SETBP1: variants seen among roughly 807,000 people sequenced by gnomAD.
SETBP1 encodes SET-binding protein.
In SETBP1, 9 loss-of-function variants were observed where a neutral mutation model predicts 101.0. The ratio of observed to expected loss-of-function variants is 0.09; its 90% CI spans 0.05 to 0.16. The LOEUF (loss-of-function observed/expected upper bound fraction) is 0.16, where lower values mean the gene tolerates loss of function less well. SETBP1 is among the 10% of genes least tolerant of loss of function. The pLI is 1.00. For synonymous variants in SETBP1, 818 were observed against 788.5 expected, an observed-to-expected ratio of 1.04 and a Z score of -0.63; for missense variants, 1,858 against 2,033.8, an observed-to-expected ratio of 0.91 and a Z score of 1.66.
intron 2 of SETBP1, among the ~76,000 whole-genome samples, chr18:44,804,372 T>G (rs2071681638): frequency 6.6e-6 from 1 of 152,156 alleles, no homozygotes; most frequent in South Asian, 2.1e-4. Context: ...CATGTGAACC[T>G]CATTTCAAGC....
At chr18:44,929,494 G>A (rs76699239) in intron 3 of SETBP1, among the ~76,000 whole-genome samples, 16,011 of 152,124 alleles carry the variant, frequency 0.11, 835 homozygotes, top group East Asian at 0.14. Context: ...AGCTTGATGA[G>A]GATGGCATTG....
At chr18:44,719,103 A>C (rs754876837) in intron 2 of SETBP1, among the ~76,000 whole-genome samples, 1 of 152,182 alleles carries the variant, frequency 6.6e-6, no homozygotes, top group Non-Finnish European at 1.5e-5. Flanking sequence ...GCATAGGAAG[A>C]GGAAGGTAGA....
rs111680742 is a variant in SETBP1 at position 44,925,008 on chromosome 18, T to TTTTG, written c.541-24870_541-24869insGTTT. ...TTTTTCCTTCTTGATCCTGTGTGAG[T>TTTTG]TTTTTTTTTTTTTTTTTTTTTTTTT... is the stretch of plus-strand genomic sequence containing the variant. On this transcript the variant is annotated intron_variant, in intron 3 of 5. Transcript: ENST00000649279. Among the ~76,000 whole-genome samples the TTTTG allele has an allele frequency of 1.6e-3, 47 of 28,592 alleles. 4 individuals are homozygous for TTTTG. Among genetic ancestry groups the TTTTG allele is most frequent in the African/African-American group, 4.1e-3 (43 of 10,554 alleles). The allele number at this position is 28,592 out of a possible 152,430, so 18.8% of individuals were successfully genotyped here. A position where few individuals can be genotyped will look rare whatever the true frequency, so the allele number is the denominator to read the frequency against.
intron 2 of SETBP1, among the ~76,000 whole-genome samples, chr18:44,713,450 C>T (rs902502700): frequency 6.6e-6 from 1 of 152,110 alleles, no homozygotes; most frequent in African/African-American, 2.4e-5. Context: ...GAAAGTGTTC[C>T]TTGTATTCCA....
chr18:44,898,863 A>G (rs772391806), intron 3 of SETBP1, among the ~76,000 whole-genome samples: 12 of 152,342 alleles, frequency 7.9e-5, no homozygotes, highest in Admixed American at 1.3e-4. Flanking sequence ...TGCTCAGAGA[A>G]TATAGTGATC....
intron 2 of SETBP1, among the ~76,000 whole-genome samples, chr18:44,769,633 GAGAGT>G (rs1370884388): frequency 6.6e-6 from 1 of 152,174 alleles, no homozygotes. Flanking sequence ...GTTGAGAATG[GAGAGT>G]AGAGAATTCA....
intron 4 of SETBP1, among the ~76,000 whole-genome samples, chr18:44,970,585 C>T (rs761295626): frequency 6.6e-6 from 1 of 151,704 alleles, no homozygotes; most frequent in African/African-American, 2.4e-5. Context: ...GAGTGTTGCT[C>T]TTGTTCCCCA....
intron 2 of SETBP1, among the ~76,000 whole-genome samples, chr18:44,847,299 C>T (rs1401752319): frequency 6.6e-6 from 1 of 152,230 alleles, no homozygotes; most frequent in African/African-American, 2.4e-5. Context: ...CAGGTCATGC[C>T]TGTCTGCCTA....
intron 2 of SETBP1, among the ~76,000 whole-genome samples, chr18:44,732,195 T>A (rs1369550251): frequency 1.3e-5 from 2 of 152,240 alleles, no homozygotes; most frequent in Admixed American, 6.5e-5. Context: ...GACGATCACA[T>A]ACCCTCGTTA....
At chr18:45,058,221 T>C (rs1461458019) in intron 5 of SETBP1, among the ~76,000 whole-genome samples, 1 of 152,156 alleles carries the variant, frequency 6.6e-6, no homozygotes, top group South Asian at 2.1e-4. Context: ...AAATATGGAA[T>C]CAATCTTGCA....
chr18:44,943,315 G>T (rs1199615653), intron 3 of SETBP1, among the ~76,000 whole-genome samples: 1 of 152,208 alleles, frequency 6.6e-6, no homozygotes, highest in African/African-American at 2.4e-5. Flanking sequence ...GGGTTAAAAG[G>T]AAGGTCTGAA....
At chr18:44,938,713 T>A (rs1193114859) in intron 3 of SETBP1, among the ~76,000 whole-genome samples, 6 of 152,194 alleles carry the variant, frequency 3.9e-5, no homozygotes, top group Non-Finnish European at 5.9e-5. Context: ...TTCTCCCTGG[T>A]GGCCCAGGTT....
At chr18:44,898,270 T>C (rs1271417027) in intron 3 of SETBP1, among the ~76,000 whole-genome samples, 2 of 152,168 alleles carry the variant, frequency 1.3e-5, no homozygotes, top group Non-Finnish European at 2.9e-5. Flanking sequence ...CACCAATGGG[T>C]TTCCTGGAAG....
intron 2 of SETBP1, among the ~76,000 whole-genome samples, chr18:44,811,408 A>G (rs1283395311): frequency 1.3e-4 from 20 of 152,230 alleles, no homozygotes; most frequent in Non-Finnish European, 2.9e-5. Context: ...ACTGCTCCAC[A>G]TGCTTTGCCA....
At position 45,001,816 on chromosome 18, in the gene SETBP1, C is replaced by A. The variant is rs180834850; in HGVS notation, c.4001-36669C>A. On this transcript the variant is annotated intron_variant, in intron 4 of 5. Transcript: ENST00000649279. ...TAGACCCCTAAATCCATGCTTTTTCCACTGCACTACCTTCATGCTCGGTTA... is the reference window on the plus strand; with the variant it reads ...TAGACCCCTAAATCCATGCTTTTTCAACTGCACTACCTTCATGCTCGGTTA... Among the ~76,000 whole-genome samples, 13 of 152,236 alleles carry A rather than the reference C, an allele frequency of 8.5e-5. No individual in the cohort carries two copies. The East Asian group carries it at 2.5e-3, about 29-fold the overall frequency.
In SETBP1 at chr18:44,693,688, T is replaced by C. The variant is rs117150152; in HGVS notation, c.-172-7487T>C. 3.8e-3 allele frequency among the ~76,000 whole-genome samples: 585 copies of C among 152,322 alleles called. 1 individual carries two copies. Among genetic ancestry groups the C allele is most frequent in the Non-Finnish European group, 5.9e-3 (401 of 68,012 alleles). On this transcript the variant is annotated intron_variant, in intron 1 of 5. Coordinates refer to ENST00000649279, the MANE Select transcript of SETBP1 (RefSeq NM_015559.3). ...TTGCCAGAACCTGACAAGAGATTCT[T>C]ATAACTATAGGCCAATGAGTCTAGG...
At chr18:44,811,594 A>G (rs368397299) in intron 2 of SETBP1, among the ~76,000 whole-genome samples, 1 of 152,360 alleles carries the variant, frequency 6.6e-6, no homozygotes, top group East Asian at 1.9e-4. Flanking sequence ...CCTAAGTGGA[A>G]CTATGACTGC....
chr18:44,699,875 G>C (rs1295301423), intron 1 of SETBP1, among the ~76,000 whole-genome samples: 1 of 152,184 alleles, frequency 6.6e-6, no homozygotes, highest in Admixed American at 6.5e-5. Context: ...TGGTCTTCAG[G>C]CTTCCAGTTC....
At chr18:44,695,913 G>A (rs1333780086) in intron 1 of SETBP1, among the ~76,000 whole-genome samples, 2 of 150,194 alleles carry the variant, frequency 1.3e-5, no homozygotes, top group Non-Finnish European at 3.0e-5. Context: ...AGAGGCTTAT[G>A]AAGGCTCCTA....
Sources: gnomAD v4.1 joint callset for allele counts (sites outside exome capture counted in the v4.1 genomes callset) on GRCh38, gnomAD v4.1.1 for gene constraint, MANE v1.5 for transcripts, NCBI Gene and HGNC (gene_info 2026-07-23, HGNC 2026-07-21) for gene names.